The following GRM7 variants were observed in gnomAD, a reference collection of about 807,000 sequenced individuals.
GRM7 encodes the protein glutamate metabotropic receptor 7, also known as metabotropic glutamate receptor 7.
GRM7 carries 35 observed loss-of-function variants against 84.5 expected under a neutral mutation model. That is an observed-to-expected ratio of 0.41 (90% CI 0.32 to 0.55). The LOEUF (loss-of-function observed/expected upper bound fraction) is 0.55, where lower values mean the gene tolerates loss of function less well. GRM7 is among the 20% of genes least tolerant of loss of function. The pLI is 0.19. For synonymous variants in GRM7, 487 were observed against 455.1 expected, an observed-to-expected ratio of 1.07 and a Z score of -0.89; for missense variants, 1,003 against 1,194.6, an observed-to-expected ratio of 0.84 and a Z score of 2.36.
At chr3:7,019,313 A>G (rs955554640) in intron 1 of GRM7, among the ~76,000 whole-genome samples, 2 of 152,118 alleles carry the variant, frequency 1.3e-5, no homozygotes, top group Non-Finnish European at 2.9e-5. Context: ...CCCAAAGTCA[A>G]TACTTTACGT....
chr3:7,351,723 C>CA (rs1223955301), intron 4 of GRM7, among the ~76,000 whole-genome samples: 1 of 151,164 alleles, frequency 6.6e-6, no homozygotes, highest in Non-Finnish European at 1.5e-5. Flanking sequence ...AGCAGAATAC[C>CA]TTTTTTTTTC....
intron 1 of GRM7, among the ~76,000 whole-genome samples, chr3:6,949,155 G>A (rs1084200): frequency 0.21 from 31,556 of 152,102 alleles, 3,499 homozygotes; most frequent in East Asian, 0.34. Flanking sequence ...TAGCCTCGAT[G>A]GTCTTTACAA....
intron 8 of GRM7, among the ~76,000 whole-genome samples, chr3:7,660,137 T>A (rs1034822419): frequency 6.6e-6 from 1 of 152,234 alleles, no homozygotes; most frequent in African/African-American, 2.4e-5. Context: ...TCTGAATGTA[T>A]CAGCCCTAGA....
intron 1 of GRM7, among the ~76,000 whole-genome samples, chr3:6,974,216 A>G (rs1407220205): frequency 6.6e-6 from 1 of 152,188 alleles, no homozygotes; most frequent in Non-Finnish European, 1.5e-5. Flanking sequence ...GAAAAAGCCG[A>G]AATGTGTAGC....
intron 7 of GRM7, among the ~76,000 whole-genome samples, chr3:7,578,139 A>G (rs1695052647): frequency 6.6e-6 from 1 of 152,056 alleles, no homozygotes; most frequent in South Asian, 2.1e-4. Context: ...CTTTTTCAGG[A>G]TATTCATATT....
intron 4 of GRM7, among the ~76,000 whole-genome samples, chr3:7,309,778 TC>T (rs1468601415): frequency 1.3e-5 from 2 of 152,068 alleles, no homozygotes; most frequent in African/African-American, 4.8e-5. Flanking sequence ...GGGTGTCATT[TC>T]CCCCCTTTCG....
rs113497545 is a variant in GRM7 at position 7,562,166 on chromosome 3, T to G, written c.1516-16256T>G. Among the ~76,000 whole-genome samples, 121 of 152,092 alleles carry G rather than the reference T, an allele frequency of 8.0e-4. 1 individual carries two copies. The highest frequency in any genetic ancestry group is 2.7e-3 in the African/African-American group (110 of 41,498). On this transcript the variant is annotated intron_variant, in intron 7 of 9. Transcript: ENST00000357716. ...AACCCATTGCCCTGTAAGACAGAGGTTGACTTTTTAGTTTTTCTTGCCAGC... is the reference window on the plus strand; with the variant it reads ...AACCCATTGCCCTGTAAGACAGAGGGTGACTTTTTAGTTTTTCTTGCCAGC...
At chr3:7,142,548 C>G (rs1036116810) in intron 1 of GRM7, among the ~76,000 whole-genome samples, 1 of 152,138 alleles carries the variant, frequency 6.6e-6, no homozygotes, top group Non-Finnish European at 1.5e-5. Context: ...AGGGAAACTG[C>G]TCTCATGATC....
intron 2 of GRM7, among the ~76,000 whole-genome samples, chr3:7,232,263 A>T (rs1223098828): frequency 6.6e-6 from 1 of 152,016 alleles, no homozygotes; most frequent in Non-Finnish European, 1.5e-5. Context: ...AAAAAAAAAA[A>T]GTTGAATTCA....
chr3:7,501,630 G>A (rs1173942545), intron 7 of GRM7, among the ~76,000 whole-genome samples: 2 of 152,098 alleles, frequency 1.3e-5, no homozygotes, highest in East Asian at 1.9e-4. Flanking sequence ...ACTTCTTATC[G>A]ACTACACTAA....
chr3:7,220,805 AG>A (rs1696775923), intron 2 of GRM7, among the ~76,000 whole-genome samples: 2 of 152,194 alleles, frequency 1.3e-5, no homozygotes, highest in African/African-American at 4.8e-5. Context: ...ATTTTTAAAA[AG>A]AGAATTTTGC....
intron 4 of GRM7, among the ~76,000 whole-genome samples, chr3:7,366,586 G>A (rs1693902637): frequency 6.6e-6 from 1 of 151,746 alleles, no homozygotes; most frequent in South Asian, 2.1e-4. Context: ...TTAAATGATT[G>A]TCTTTATTTT....
intron 8 of GRM7, among the ~76,000 whole-genome samples, chr3:7,597,959 C>A (rs3804884): frequency 0.026 from 3,889 of 152,208 alleles, 137 homozygotes; most frequent in East Asian, 0.098. Flanking sequence ...CTTCCACTTT[C>A]TCTCCTACAT....
chr3:7,040,388 T>C (rs1172424371), intron 1 of GRM7, among the ~76,000 whole-genome samples: 2 of 152,010 alleles, frequency 1.3e-5, no homozygotes, highest in Admixed American at 6.6e-5. Flanking sequence ...CTGTAACCCC[T>C]GCCTCCTGGG....
chr3:7,334,819 G>C (rs770957638), intron 4 of GRM7, among the ~76,000 whole-genome samples: 9 of 152,098 alleles, frequency 5.9e-5, no homozygotes, highest in Non-Finnish European at 1.2e-4. Context: ...GTTAGATAAA[G>C]AGGAACATTA....
chr3:7,470,932 C>G lies in GRM7; in HGVS notation c.1515+9210C>G, dbSNP rs183444453. ...ACAGGAAGTAGATTTAAAGTGCTTC[C>G]ATCCAATTGGGAGAAACTCTCATGA... On this transcript the variant is annotated intron_variant, in intron 7 of 9. Coordinates refer to ENST00000357716, the MANE Select transcript of GRM7 (RefSeq NM_000844.4). Among the ~76,000 whole-genome samples, 547 of 151,944 alleles carry G rather than the reference C, an allele frequency of 3.6e-3. 4 individuals carry two copies. Among genetic ancestry groups the G allele is most frequent in the African/African-American group, 0.013 (526 of 41,462 alleles).
At chr3:7,066,184 C>A (rs1190136027) in intron 1 of GRM7, among the ~76,000 whole-genome samples, 1 of 151,386 alleles carries the variant, frequency 6.6e-6, no homozygotes, top group Non-Finnish European at 1.5e-5. Context: ...CAGAGCAGAA[C>A]TAAATGAAAT....
rs180955190 is a variant in GRM7 at position 7,087,344 on chromosome 3, C to A, written c.520-59108C>A. On this transcript the variant is annotated intron_variant, in intron 1 of 9. Transcript: ENST00000357716. ...AACTAATGATTATATCTAATTTGTG[C>A]CAAGTTCTCTGCTAAGTTATTGTAT... 2.0e-5 allele frequency among the ~76,000 whole-genome samples: 3 copies of A among 151,566 alleles called. No individual in the cohort carries two copies. The East Asian group carries it at 5.8e-4, about 29-fold the overall frequency.
At chr3:7,653,044 T>A (rs933005474) in intron 8 of GRM7, among the ~76,000 whole-genome samples, 3 of 152,070 alleles carry the variant, frequency 2.0e-5, no homozygotes, top group African/African-American at 7.2e-5. Context: ...CACCGCCACA[T>A]CATTGCTCAC....
Sources: allele counts gnomAD v4.1 joint callset (sites outside exome capture counted in the v4.1 genomes callset), GRCh38; gene constraint gnomAD v4.1.1; transcripts MANE v1.5; gene names NCBI Gene and HGNC (gene_info 2026-07-23, HGNC 2026-07-21).